Variants in KANK1 observed in about 807,000 individuals in gnomAD.
KANK1 encodes KN motif and ankyrin repeat domain-containing protein 1.
In KANK1, 109 loss-of-function variants were observed where a neutral mutation model predicts 106.2. The observed-to-expected ratio is 1.03, with a 90% CI of 0.88 to 1.20. The LOEUF is 1.20. Among genes scored for constraint, KANK1 ranks in the 50% most tolerant of loss-of-function variants. KANK1 has a pLI of 0.00. For synonymous variants in KANK1, 873 were observed against 652.2 expected, an observed-to-expected ratio of 1.34 and a Z score of -5.16; for missense variants, 2,399 against 1,710.7, an observed-to-expected ratio of 1.40 and a Z score of -7.10.
chr9:585,354 G>A (rs1367369377), intron 1 of KANK1, among the ~76,000 whole-genome samples: 2 of 152,176 alleles, frequency 1.3e-5, no homozygotes, highest in Non-Finnish European at 2.9e-5. Flanking sequence ...ACAGACATTG[G>A]ACATACTTAG....
intron 1 of KANK1, among the ~76,000 whole-genome samples, chr9:623,102 C>G (rs1308367382): frequency 6.6e-6 from 1 of 151,902 alleles, no homozygotes; most frequent in South Asian, 2.1e-4. Context: ...AAGGAAACAA[C>G]CAACAAAATG....
intron 1 of KANK1, among the ~76,000 whole-genome samples, chr9:604,331 C>T (rs747245698): frequency 2.0e-5 from 3 of 151,610 alleles, no homozygotes; most frequent in Non-Finnish European, 2.9e-5. Flanking sequence ...GTAATCCCCA[C>T]GTGTTGAGGG....
At chr9:615,251 G>C (rs950497271) in intron 1 of KANK1, among the ~76,000 whole-genome samples, 1 of 152,118 alleles carries the variant, frequency 6.6e-6, no homozygotes, top group African/African-American at 2.4e-5. Flanking sequence ...TCATCTTTTT[G>C]ATACCAACAT....
At chr9:691,611 A>ATTTTTTTTTT (rs767618077) in intron 2 of KANK1, among the ~76,000 whole-genome samples, 11,329 of 69,462 alleles carry the variant, frequency 0.16, 979 homozygotes, top group Non-Finnish European at 0.24. Flanking sequence ...TAATACCAGA[A>ATTTTTTTTTT]TTTTTTTTTT....
intron 7 of KANK1, among the ~76,000 whole-genome samples, chr9:737,638 T>C (rs149000822): frequency 9.9e-5 from 15 of 152,248 alleles, no homozygotes; most frequent in South Asian, 2.1e-4. Flanking sequence ...CCAGACGGGG[T>C]TCCCTTTTAT....
Position 745,640 on chromosome 9 carries a change from T to G in KANK1, c.*405T>G, listed in dbSNP as rs1236956958. The G allele has an allele frequency of 6.5e-6, 1 of 153,810 alleles. No individual in the cohort carries two copies. The highest frequency in any genetic ancestry group is 1.4e-5 in the Non-Finnish European group (1 of 69,174). 9.5% of individuals were successfully genotyped at this position (153,810 alleles called of 1,614,324 possible). On this transcript the variant is annotated 3_prime_UTR_variant, in exon 12 of 12. Coordinates refer to ENST00000382297, the MANE Select transcript of KANK1 (RefSeq NM_015158.5). ...ACCATTAGAAAGTTCTTCCAAAATC[T>G]CATTCCAGCATAGTTTTGGATTTTT...
rs1029947932 is a variant in KANK1 at position 514,323 on chromosome 9, A to G, written c.-84+9569A>G. Among the ~76,000 whole-genome samples, 3 of 141,434 alleles carry G rather than the reference A, an allele frequency of 2.1e-5. 1 individual carries two copies. Among genetic ancestry groups the G allele is most frequent in the Non-Finnish European group, 4.5e-5 (3 of 67,058 alleles). 92.8% of individuals were successfully genotyped at this position (141,434 alleles called of 152,430 possible). On this transcript the variant is annotated intron_variant, in intron 1 of 11. Coordinates refer to ENST00000382297, the MANE Select transcript of KANK1 (RefSeq NM_015158.5). ...AGAGCTGCTTTTTCCTCTAAAAATAATAGCTTCAGGGTAGCCCTTTTTAGG... is the reference window on the plus strand; with the variant it reads ...AGAGCTGCTTTTTCCTCTAAAAATAGTAGCTTCAGGGTAGCCCTTTTTAGG...
At chr9:615,817 A>AG (rs1177170258) in intron 1 of KANK1, among the ~76,000 whole-genome samples, 3 of 152,234 alleles carry the variant, frequency 2.0e-5, no homozygotes, top group Admixed American at 1.3e-4. Context: ...ACCTAGCTAA[A>AG]GACCCATGAG....
In KANK1 at chr9:740,726, C is replaced by G. The variant is rs113778781; in HGVS notation, c.3554-66C>G. Reference sequence around the variant, plus strand: ...CCTGTAAACACCATCCCTTCAGTGGCTTCGTAAGCGGCTGCTATTAGAAGG... The same window carrying G: ...CCTGTAAACACCATCCCTTCAGTGGGTTCGTAAGCGGCTGCTATTAGAAGG... On this transcript the variant is annotated intron_variant, in intron 8 of 11. Transcript: ENST00000382297. The G allele has an allele frequency of 6.2e-4, 959 of 1,546,026 alleles. 5 individuals carry two copies. The African/African-American group carries it at 0.012, about 19-fold the overall frequency.
At chr9:498,158 C>T (rs531132677) in intron 3 of KANK1, among the ~76,000 whole-genome samples, 4 of 152,132 alleles carry the variant, frequency 2.6e-5, no homozygotes, top group South Asian at 4.1e-4. Context: ...GTATTACTGC[C>T]ATTTTACAGA....
chr9:604,996 C>T (rs1050710087), intron 1 of KANK1, among the ~76,000 whole-genome samples: 1 of 151,744 alleles, frequency 6.6e-6, no homozygotes, highest in African/African-American at 2.4e-5. Context: ...CAAATACCAT[C>T]TCATTTGTTT....
intron 1 of KANK1, among the ~76,000 whole-genome samples, chr9:530,820 C>G (rs1350900396): frequency 2.0e-5 from 3 of 152,050 alleles, no homozygotes; most frequent in African/African-American, 4.8e-5. Flanking sequence ...GAAACTCTGT[C>G]TCTATGAAAA....
intron 1 of KANK1, among the ~76,000 whole-genome samples, chr9:507,173 C>T (rs1322091499): frequency 2.0e-5 from 3 of 147,514 alleles, no homozygotes; most frequent in Admixed American, 6.8e-5. Context: ...ATTGACATAG[C>T]GAGACTCCGT....
chr9:576,391 A>G (rs1295784978), intron 1 of KANK1, among the ~76,000 whole-genome samples: 2 of 152,200 alleles, frequency 1.3e-5, no homozygotes, highest in African/African-American at 2.4e-5. Context: ...TAATATACAG[A>G]TAGGTAAGAA....
chr9:509,880 G>A (rs781330709), intron 1 of KANK1, among the ~76,000 whole-genome samples: 7 of 152,048 alleles, frequency 4.6e-5, no homozygotes, highest in Non-Finnish European at 7.4e-5. Context: ...CGCTGTAACC[G>A]TGAACTGCTG....
At chr9:653,229 G>A (rs1841316966) in intron 1 of KANK1, among the ~76,000 whole-genome samples, 1 of 152,134 alleles carries the variant, frequency 6.6e-6, no homozygotes, top group African/African-American at 2.4e-5. Context: ...GAGGCCCAGA[G>A]CATTTAAGTA....
At chr9:731,389 TCAGAAAGG>T (rs569493149) in intron 5 of KANK1, 123 bp downstream of exon 5, 506 of 572,326 alleles carry the variant, frequency 8.8e-4, no homozygotes, top group Middle Eastern at 5.8e-3. Context: ...GATTCCCTCC[TCAGAAAGG>T]CAGAAAGGTG....
intron 1 of KANK1, among the ~76,000 whole-genome samples, chr9:566,266 C>T (rs1041540249): frequency 2.0e-5 from 3 of 152,092 alleles, no homozygotes; most frequent in African/African-American, 4.8e-5. Flanking sequence ...CACTGATGGG[C>T]GTTTAGGTTG....
intron 1 of KANK1, among the ~76,000 whole-genome samples, chr9:544,222 T>C (rs1415786087): frequency 6.6e-6 from 1 of 151,934 alleles, no homozygotes; most frequent in South Asian, 2.1e-4. Context: ...GGTTTTGCCA[T>C]GTTGCCCAGA....
Sources: gnomAD v4.1 joint callset for allele counts (sites outside exome capture counted in the v4.1 genomes callset) on GRCh38, gnomAD v4.1.1 for gene constraint, MANE v1.5 for transcripts, NCBI Gene and HGNC (gene_info 2026-07-23, HGNC 2026-07-21) for gene names.